Variants in INPP5J observed in about 807,000 individuals in gnomAD.
The protein encoded by INPP5J is inositol polyphosphate-5-phosphatase J, also known as phosphatidylinositol 4,5-bisphosphate 5-phosphatase A.
INPP5J carries 75 observed loss-of-function variants against 86.6 expected under a neutral mutation model. The observed-to-expected ratio is 0.87, with a 90% CI of 0.72 to 1.05. The LOEUF is 1.05. Ranked by LOEUF, INPP5J falls within the 50% of genes least tolerant of loss-of-function variation. The pLI is 0.00. For synonymous variants in INPP5J, 540 were observed against 550.0 expected, an observed-to-expected ratio of 0.98 and a Z score of 0.25; for missense variants, 1,229 against 1,341.2, an observed-to-expected ratio of 0.92 and a Z score of 1.31.
chr22:31,125,530 G>T lies in INPP5J; in HGVS notation c.791G>T (p.Gly264Val), dbSNP rs932174912. The T allele has an allele frequency of 1.3e-6, 2 of 1,550,436 alleles. No homozygotes were observed. The highest frequency in any genetic ancestry group is 1.7e-6 in the Non-Finnish European group (2 of 1,146,954). Residue 264 changes from glycine to valine, a missense_variant, in exon 2 of 13, where the codon GGC (glycine) becomes GTC (valine). Gly to Val is a moderately radical substitution (Grantham distance 109). Transcript: ENST00000331075. ...QPPAQTSGPT[G>V]SPPCIQTSPD... ...CCAGCTCAGACATCTGGTCCTACAG[G>T]CTCCCCACCCTGCATCCAAACCTCC...
At chr22:31,126,128 AG>A (rs1264658444) in intron 2 of INPP5J, 118 bp downstream of exon 2, 3 of 1,106,550 alleles carry the variant, frequency 2.7e-6, no homozygotes, top group East Asian at 2.6e-5. Flanking sequence ...GTCTTTGGGG[AG>A]GGGGTTGCTG....
chr22:31,127,569 G>T, intron 6 of INPP5J, 37 bp downstream of exon 6: 2 of 1,582,538 alleles, frequency 1.3e-6, no homozygotes, highest in East Asian at 2.3e-5. Context: ...AGCTTGGGTG[G>T]GGCTAGTGAT....
At position 31,125,206 on chromosome 22, in the gene INPP5J, G is replaced by C. The variant is rs1389254525; in HGVS notation, c.467G>C (p.Gly156Ala). Residue 156 changes from glycine to alanine, a missense_variant, in exon 2 of 13, where the codon GGG (glycine) becomes GCG (alanine). By Grantham distance (60) the Gly-to-Ala change is moderately conservative. Coordinates refer to ENST00000331075, the MANE Select transcript of INPP5J (RefSeq NM_001284285.2). ...CCAAGATCTCCCCCAGTCACCCTGG[G>C]GCCCAATCTGGCCCCAACCTCCAGA... is the stretch of plus-strand genomic sequence containing the variant. ...AGPRSPPVTL[G>A]PNLAPTSRDQ... The C allele has an allele frequency of 1.3e-6, 2 of 1,550,344 alleles. No individual in the cohort carries two copies. The highest frequency in any genetic ancestry group is 1.7e-4 in the Middle Eastern group (1 of 6,014).
Position 31,126,740 on chromosome 22 carries a change from C to A in INPP5J, c.1494+19C>A. On this transcript the variant is annotated intron_variant, in intron 4 of 12. Coordinates refer to ENST00000331075, the MANE Select transcript of INPP5J (RefSeq NM_001284285.2). ...CGTGCTGGTAACGCACCCCTCACCC[C>A]CTGGACAGCCAGAGACCCTGCTGAA... The A allele has an allele frequency of 1.3e-6, 2 of 1,592,138 alleles. No individual in the cohort carries two copies. The highest frequency in any genetic ancestry group is 1.7e-6 in the Non-Finnish European group (2 of 1,159,960).
intron 9 of INPP5J, among the ~76,000 whole-genome samples, chr22:31,129,060 G>C (rs1921801163): frequency 6.7e-6 from 1 of 149,080 alleles, no homozygotes; most frequent in Non-Finnish European, 1.5e-5. Context: ...AGCCTCCTGA[G>C]TAGCTGGGAT....
Position 31,125,530 on chromosome 22 carries a change from G to C in INPP5J, c.791G>C (p.Gly264Ala), listed in dbSNP as rs932174912. ...CCAGCTCAGACATCTGGTCCTACAG[G>C]CTCCCCACCCTGCATCCAAACCTCC... ...QPPAQTSGPT[G>A]SPPCIQTSPD... Residue 264 changes from glycine to alanine, a missense_variant, in exon 2 of 13, where the codon GGC (glycine) becomes GCC (alanine). Coordinates refer to ENST00000331075, the MANE Select transcript of INPP5J (RefSeq NM_001284285.2). The C allele has an allele frequency of 9.0e-6, 14 of 1,550,320 alleles. No individual in the cohort carries two copies. In the East Asian group the frequency reaches 2.2e-4, roughly 24 times the overall value.
intron 6 of INPP5J, 55 bp from the exon 7 acceptor site, chr22:31,127,896 C>T (rs1347154187): frequency 9.8e-6 from 10 of 1,020,078 alleles, no homozygotes; most frequent in East Asian, 9.7e-5. Context: ...CCTCCATGGA[C>T]CTGTTGACAC....
intron 9 of INPP5J, 93 bp from the exon 10 acceptor site, chr22:31,133,005 G>A (rs1388215468): frequency 6.7e-7 from 1 of 1,502,598 alleles, no homozygotes; most frequent in Middle Eastern, 1.7e-4. Flanking sequence ...CTTTGTCTCA[G>A]GCAATTTGTG....
At chr22:31,132,512 G>T (rs1922143380) in intron 9 of INPP5J, among the ~76,000 whole-genome samples, 1 of 152,098 alleles carries the variant, frequency 6.6e-6, no homozygotes, top group Non-Finnish European at 1.5e-5. Context: ...GGCTGAGGTG[G>T]GTGGATCATT....
In INPP5J at chr22:31,128,040, A is replaced by G; in HGVS notation, c.1877A>G (p.His626Arg). 1 of 1,612,954 alleles carries G rather than the reference A, an allele frequency of 6.2e-7. No homozygotes were observed. Among genetic ancestry groups the G allele is most frequent in the Non-Finnish European group, 8.5e-7 (1 of 1,179,226 alleles). Reference sequence around the variant, plus strand: ...TTTGCCATCGACAGTGACCAGCTCCATCAGCTCTGGGAGAAGGACCAGGTG... The same window carrying G: ...TTTGCCATCGACAGTGACCAGCTCCGTCAGCTCTGGGAGAAGGACCAGGTG... ...VKFAIDSDQL[H>R]QLWEKDQLNM... is the part of the protein sequence containing the mutation. The change falls in exon 7 of 13, where the codon CAT becomes CGT. Residue 626 changes from histidine (H) to arginine (R), a missense_variant. Coordinates refer to ENST00000331075, the MANE Select transcript of INPP5J (RefSeq NM_001284285.2).
chr22:31,128,001 T>G lies in INPP5J; in HGVS notation c.1838T>G (p.Leu613Arg). 1 of 1,607,970 alleles carries G rather than the reference T, an allele frequency of 6.2e-7. No individual in the cohort carries two copies. The highest frequency in any genetic ancestry group is 2.2e-5 in the East Asian group (1 of 44,476). ...DLNFRIESYD[L>R]HFVKFAIDSD... Reference sequence around the variant, plus strand: ...AACTTCCGCATTGAGAGCTATGACCTGCACTTTGTCAAGTTTGCCATCGAC... The same window carrying G: ...AACTTCCGCATTGAGAGCTATGACCGGCACTTTGTCAAGTTTGCCATCGAC... Residue 613 changes from leucine (L) to arginine (R), a missense_variant, in exon 7 of 13, where the codon CTG (leucine) becomes CGG (arginine). Transcript: ENST00000331075.
chr22:31,128,397 G>T lies in INPP5J; in HGVS notation c.2009+74G>T. 4 of 1,577,832 alleles carry T rather than the reference G, an allele frequency of 2.5e-6. No homozygotes were observed. The South Asian group carries it at 3.4e-5, about 13-fold the overall frequency. ...TCGAACAGGGAGACTTTGGGAAGAG[G>T]GGCAGGAGGCAAGGTGGAGGGTTAC... On this transcript the variant is annotated intron_variant, in intron 8 of 12. Transcript: ENST00000331075.
chr22:31,130,565 T>C (rs1274982157), intron 9 of INPP5J, among the ~76,000 whole-genome samples: 26 of 151,952 alleles, frequency 1.7e-4, no homozygotes, highest in Admixed American at 1.7e-3. Flanking sequence ...ACTAGTGTCT[T>C]AAAAATAACA....
intron 2 of INPP5J, 89 bp from the exon 3 acceptor site, chr22:31,126,287 C>T (rs1921409984): frequency 8.8e-7 from 1 of 1,132,982 alleles, no homozygotes; most frequent in African/African-American, 1.5e-5. Flanking sequence ...CACCTGCCTC[C>T]ATTTAGTTCC....
At position 31,128,927 on chromosome 22, in the gene INPP5J, C is replaced by CTT. The variant is rs56761879; in HGVS notation, c.2193+295_2193+296dup. ...TCTGGTTTCAGAGCCCATGCCTTTT[C>CTT]TTTTTTTTTTTTTTTTTTTTTTTGA... is the stretch of plus-strand genomic sequence containing the variant. On this transcript the variant is annotated intron_variant, in intron 9 of 12. Coordinates refer to ENST00000331075, the MANE Select transcript of INPP5J (RefSeq NM_001284285.2). Among the ~76,000 whole-genome samples the CTT allele has an allele frequency of 3.4e-3, 274 of 79,966 alleles. 1 individual carries two copies. Among genetic ancestry groups the CTT allele is most frequent in the African/African-American group, 4.0e-3 (86 of 21,570 alleles). The allele number at this position is 79,966 out of a possible 152,430, so 52.5% of individuals were successfully genotyped here. A position where few individuals can be genotyped will look rare whatever the true frequency, so the allele number is the denominator to read the frequency against.
In INPP5J at chr22:31,127,374, G is replaced by C; in HGVS notation, c.1629G>C (p.Val543=). ...CTCCCTAGGGTAACAAGGGTGGCGTGAGCGTGCGCCTGGCGGCCTTCGGGC... is the reference window on the plus strand; with the variant it reads ...CTCCCTAGGGTAACAAGGGTGGCGTCAGCGTGCGCCTGGCGGCCTTCGGGC... ...LGGYWGNKGG[V]SVRLAAFGHM... The change falls in exon 6 of 13, where the codon GTG becomes GTC. Residue 543 remains valine, a synonymous_variant. Coordinates refer to ENST00000331075, the MANE Select transcript of INPP5J (RefSeq NM_001284285.2). 6.2e-7 allele frequency: 1 copy of C among 1,612,124 alleles called. No individual in the cohort carries two copies. The highest frequency in any genetic ancestry group is 8.5e-7 in the Non-Finnish European group (1 of 1,179,082).
At chr22:31,131,596 C>T (rs1922070815) in intron 9 of INPP5J, among the ~76,000 whole-genome samples, 1 of 152,050 alleles carries the variant, frequency 6.6e-6, no homozygotes, top group Non-Finnish European at 1.5e-5. Flanking sequence ...TGAGTACCTA[C>T]TACATGCCAG....
upstream of INPP5J, chr22:31,122,849 T>G: frequency 2.0e-6 from 1 of 507,874 alleles, no homozygotes; most frequent in Non-Finnish European, 3.4e-6. Flanking sequence ...GTTTGAAGGA[T>G]TCCCAGGGGG....
Position 31,133,423 on chromosome 22 carries a change from C to T in INPP5J, c.2349C>T (p.Cys783=). 6.2e-7 allele frequency: 1 copy of T among 1,613,796 alleles called. No individual in the cohort carries two copies. The highest frequency in any genetic ancestry group is 8.5e-7 in the Non-Finnish European group (1 of 1,179,800). The change falls in exon 11 of 13, where the codon TGC becomes TGT. Residue 783 remains cysteine (C), a synonymous_variant. Coordinates refer to ENST00000331075, the MANE Select transcript of INPP5J (RefSeq NM_001284285.2). ...TCCCCCAGGTGGGTTTCCGCCATTG[C>T]AAGGACTATGTGGCTTATGTCTGGG... is the stretch of plus-strand genomic sequence containing the variant. ...IGLYRVGFRH[C]KDYVAYVWAK...
Sources: allele counts gnomAD v4.1 joint callset (sites outside exome capture counted in the v4.1 genomes callset), GRCh38; gene constraint gnomAD v4.1.1; transcripts MANE v1.5; gene names NCBI Gene and HGNC (gene_info 2026-07-23, HGNC 2026-07-21).